Variants in EPYC observed in about 807,000 individuals in gnomAD.
EPYC encodes the protein dermatan sulfate proteoglycan 3.
EPYC carries 28 observed loss-of-function variants against 30.1 expected under a neutral mutation model. That is an observed-to-expected ratio of 0.93 (90% CI 0.69 to 1.28). The LOEUF is 1.28. Among genes scored for constraint, EPYC ranks in the 50% most tolerant of loss-of-function variants. EPYC has a pLI of 0.00. For synonymous variants in EPYC, 144 were observed against 141.4 expected (o/e 1.02, Z -0.13); for missense variants, 382 against 383.5 (o/e 1.00, Z 0.03).
intron 2 of EPYC, among the ~76,000 whole-genome samples, chr12:90,985,049 G>T (rs1222827991): frequency 6.6e-6 from 1 of 152,172 alleles, no homozygotes; most frequent in Non-Finnish European, 1.5e-5. Flanking sequence ...TGAAAAGAAT[G>T]TGGCTTTAGC....
chr12:91,001,222 A>G (rs1877815307), intron 2 of EPYC, among the ~76,000 whole-genome samples: 2 of 152,222 alleles, frequency 1.3e-5, no homozygotes, highest in South Asian at 4.1e-4. Flanking sequence ...TTCATAAGGC[A>G]ACATAAACAA....
Position 90,970,149 on chromosome 12 carries a change from T to C in EPYC, c.703-10A>G, listed in dbSNP as rs1877003198. The C allele has an allele frequency of 6.3e-7, 1 of 1,594,700 alleles. No individual in the cohort carries two copies. The highest frequency in any genetic ancestry group is 1.7e-5 in the Admixed American group (1 of 59,356). On this transcript the variant is annotated splice_polypyrimidine_tract_variant and intron_variant, in intron 5 of 6. Transcript: ENST00000261172. ...GGAGATCATACATGTCCTGTAAACATTCCAAATGTGGGAACTCAATAAAAA... is the reference window on the plus strand; with the variant it reads ...GGAGATCATACATGTCCTGTAAACACTCCAAATGTGGGAACTCAATAAAAA...
intron 2 of EPYC, among the ~76,000 whole-genome samples, chr12:91,000,014 A>AT (rs1337862940): frequency 6.6e-6 from 1 of 152,072 alleles, no homozygotes; most frequent in Non-Finnish European, 1.5e-5. Flanking sequence ...TACAGGTTTT[A>AT]TTTTAAGTGC....
At chr12:90,969,969 T>G in intron 6 of EPYC, 75 bp downstream of exon 6, 1 of 1,013,892 alleles carries the variant, frequency 9.9e-7, no homozygotes, top group East Asian at 2.4e-5. Context: ...TACAGACAAA[T>G]TCTTGTGTCC....
chr12:90,980,361 C>G, intron 2 of EPYC, among the ~76,000 whole-genome samples: 1 of 152,090 alleles, frequency 6.6e-6, no homozygotes. Flanking sequence ...TTCATGCTTC[C>G]TTGCAAATAA....
chr12:90,980,580 A>G (rs1457793839), intron 2 of EPYC, among the ~76,000 whole-genome samples: 2 of 152,186 alleles, frequency 1.3e-5, no homozygotes, highest in Admixed American at 6.6e-5. Flanking sequence ...CAATGCACAC[A>G]TGCACAAAAA....
At chr12:91,004,171 A>T (rs540402261) in intron 1 of EPYC, among the ~76,000 whole-genome samples, 18 of 152,146 alleles carry the variant, frequency 1.2e-4, no homozygotes, top group East Asian at 5.8e-4. Flanking sequence ...CTTAAAAAAA[A>T]TTTTTCCTTA....
At chr12:90,995,760 T>C (rs1046872167) in intron 2 of EPYC, among the ~76,000 whole-genome samples, 4 of 151,928 alleles carry the variant, frequency 2.6e-5, no homozygotes, top group Non-Finnish European at 5.9e-5. Context: ...TGCTTAAGTT[T>C]TTAAGGTTCT....
intron 2 of EPYC, among the ~76,000 whole-genome samples, chr12:91,001,241 AATTTTAGT>A (rs1411689533): frequency 6.6e-6 from 1 of 152,054 alleles, no homozygotes; most frequent in African/African-American, 2.4e-5. Flanking sequence ...AATATTGAAA[AATTTTAGT>A]ATCTTCTTAG....
chr12:91,002,274 A>G (rs1046512372), intron 2 of EPYC, 127 bp downstream of exon 2: 1 of 715,194 alleles, frequency 1.4e-6, no homozygotes, highest in Non-Finnish European at 2.2e-6. Flanking sequence ...GAAAAGGTTA[A>G]TATGAAATTA....
chr12:90,969,744 T>A (rs1592622165), intron 6 of EPYC, among the ~76,000 whole-genome samples: 1 of 152,214 alleles, frequency 6.6e-6, no homozygotes, highest in East Asian at 1.9e-4. Flanking sequence ...CTTCAACACG[T>A]GAAACTTTCA....
intron 5 of EPYC, 124 bp downstream of exon 5, chr12:90,971,672 CAATA>C (rs57567044): frequency 0.037 from 7,231 of 198,092 alleles, 172 homozygotes; most frequent in Non-Finnish European, 0.04. Context: ...GACCCTATCT[CAATA>C]AATAAATAAA....
chr12:90,973,226 C>G (rs996220070), intron 3 of EPYC, among the ~76,000 whole-genome samples: 5 of 147,926 alleles, frequency 3.4e-5, no homozygotes, highest in African/African-American at 5.0e-5. Flanking sequence ...ATTAGAAATT[C>G]TATATTCAAA....
intron 3 of EPYC, among the ~76,000 whole-genome samples, chr12:90,976,598 C>T (rs993455092): frequency 6.6e-6 from 1 of 152,122 alleles, no homozygotes; most frequent in African/African-American, 2.4e-5. Context: ...TGCTCTTAGT[C>T]ATGCCTTAGG....
Position 90,963,937 on chromosome 12 carries a change from G to C in EPYC, c.*219C>G, listed in dbSNP as rs2120784843. ...TGTGTGAAATATTTTCTATCACTTA[G>C]TTTTGCTCTTTTTGTAAATGTTATA... On this transcript the variant is annotated 3_prime_UTR_variant, in exon 7 of 7. Transcript: ENST00000261172. 1 of 372,202 alleles carries C rather than the reference G, an allele frequency of 2.7e-6. No homozygotes were observed. Among genetic ancestry groups the C allele is most frequent in the Non-Finnish European group, 4.8e-6 (1 of 207,242 alleles). The allele number at this position is 372,202 out of a possible 1,614,324, so 23.1% of individuals were successfully genotyped here.
Position 90,978,130 on chromosome 12 carries a change from C to T in EPYC, c.298G>A (p.Glu100Lys), listed in dbSNP as rs1400804202. 1 of 1,600,992 alleles carries T rather than the reference C, an allele frequency of 6.2e-7. No individual in the cohort carries two copies. The highest frequency in any genetic ancestry group is 8.5e-7 in the Non-Finnish European group (1 of 1,175,180). Residue 100 changes from glutamate (E) to lysine (K), a missense_variant, in exon 3 of 7, where the codon GAG becomes AAG. By Grantham distance (56) the Glu-to-Lys change is moderately conservative. Transcript: ENST00000261172. ...CCCAGAACCCCTGTGAATTCAGGCT[C>T]CTGGGGAGAAGAGCCATCAATCAGC... is the stretch of plus-strand genomic sequence containing the variant. ...PRLIDGSSPQEPEFTGVLGPH... is the reference protein window; with the variant it reads ...PRLIDGSSPQKPEFTGVLGPH...
intron 6 of EPYC, among the ~76,000 whole-genome samples, chr12:90,967,924 C>T (rs1162315071): frequency 1.3e-4 from 20 of 152,000 alleles, no homozygotes; most frequent in Admixed American, 1.3e-3. Context: ...AAGCTATGAT[C>T]ATACTACTGC....
intron 2 of EPYC, among the ~76,000 whole-genome samples, chr12:90,980,201 C>T (rs1265336371): frequency 2.6e-5 from 4 of 152,128 alleles, no homozygotes; most frequent in African/African-American, 9.7e-5. Flanking sequence ...GACACGTTGC[C>T]TTGAATCTTA....
chr12:90,970,402 A>G (rs1244630845), intron 5 of EPYC, among the ~76,000 whole-genome samples: 1 of 152,202 alleles, frequency 6.6e-6, no homozygotes, highest in Non-Finnish European at 1.5e-5. Context: ...AGGAAGAACC[A>G]TGTTTTGTTC....
Sources: allele counts gnomAD v4.1 joint callset (sites outside exome capture counted in the v4.1 genomes callset), GRCh38; gene constraint gnomAD v4.1.1; transcripts MANE v1.5; gene names NCBI Gene and HGNC (gene_info 2026-07-23, HGNC 2026-07-21).